PTPRD: variants seen among roughly 807,000 people sequenced by gnomAD.
The protein encoded by PTPRD is receptor-type tyrosine-protein phosphatase delta.
In PTPRD, 34 loss-of-function variants were observed where a neutral mutation model predicts 214.5. That is an observed-to-expected ratio of 0.16 (90% CI 0.12 to 0.21). The LOEUF is 0.21. PTPRD is among the 10% of genes least tolerant of loss of function. The pLI is 1.00. For missense variants in PTPRD, 2,545 were observed against 2,398.7 expected (o/e 1.06, Z -1.27); for synonymous variants, 1,128 against 845.7 (o/e 1.33, Z -5.79).
intron 3 of PTPRD, among the ~76,000 whole-genome samples, chr9:10,252,522 G>C (rs186861517): frequency 4.7e-3 from 717 of 152,016 alleles, no homozygotes; most frequent in Non-Finnish European, 8.0e-3. Flanking sequence ...GAAAGCCACC[G>C]AGCCCAACCC....
intron 9 of PTPRD, among the ~76,000 whole-genome samples, chr9:9,295,530 A>C (rs774748059): frequency 2.0e-5 from 3 of 151,812 alleles, no homozygotes; most frequent in Non-Finnish European, 2.9e-5. Flanking sequence ...TACTTGAAAC[A>C]TACTTTATTG....
chr9:10,561,485 C>T lies in PTPRD; in HGVS notation c.-600+50913G>A, dbSNP rs544989098. ...TATATGCACTTATCATCTTTACACCCCTATTACCTAGAATACTGCATAGCA... is the reference window on the plus strand; with the variant it reads ...TATATGCACTTATCATCTTTACACCTCTATTACCTAGAATACTGCATAGCA... On this transcript the variant is annotated intron_variant, in intron 2 of 45. Transcript: ENST00000381196. Among the ~76,000 whole-genome samples, 5 of 152,092 alleles carry T rather than the reference C, an allele frequency of 3.3e-5. No homozygotes were observed. The South Asian group carries it at 8.3e-4, about 25-fold the overall frequency.
intron 8 of PTPRD, among the ~76,000 whole-genome samples, chr9:9,562,728 T>C (rs2083301988): frequency 6.6e-6 from 1 of 152,180 alleles, no homozygotes; most frequent in South Asian, 2.1e-4. Flanking sequence ...TTTTGGATAA[T>C]TCAACTCTAA....
intron 11 of PTPRD, among the ~76,000 whole-genome samples, chr9:8,737,687 G>A (rs561595015): frequency 3.3e-5 from 5 of 152,276 alleles, no homozygotes; most frequent in African/African-American, 1.2e-4. Flanking sequence ...CTCACTCTCT[G>A]TCAAGCAGGC....
intron 2 of PTPRD, among the ~76,000 whole-genome samples, chr9:10,521,235 A>G: frequency 6.6e-6 from 1 of 152,148 alleles, no homozygotes; most frequent in Non-Finnish European, 1.5e-5. Flanking sequence ...GATGACTTTC[A>G]GGGTTCAAGA....
chr9:9,288,781 G>A (rs144395866), intron 9 of PTPRD, among the ~76,000 whole-genome samples: 51 of 152,036 alleles, frequency 3.4e-4, no homozygotes, highest in Non-Finnish European at 4.9e-4. Context: ...GTGGGACCCA[G>A]TGGGAGGTAA....
At chr9:8,359,195 T>C (rs62534002) in intron 39 of PTPRD, among the ~76,000 whole-genome samples, 30,123 of 148,664 alleles carry the variant, frequency 0.2, 3,808 homozygotes, top group Admixed American at 0.38. Flanking sequence ...ATCTGGTGGT[T>C]CTCAAAGTGC....
intron 5 of PTPRD, among the ~76,000 whole-genome samples, chr9:9,773,527 T>A (rs1161904723): frequency 6.6e-6 from 1 of 152,176 alleles, no homozygotes; most frequent in Non-Finnish European, 1.5e-5. Flanking sequence ...TTATAGAATA[T>A]CTCATGACAT....
At chr9:8,785,416 C>A (rs898695597) in intron 11 of PTPRD, among the ~76,000 whole-genome samples, 3 of 126,786 alleles carry the variant, frequency 2.4e-5, no homozygotes, top group Admixed American at 1.6e-4. Flanking sequence ...TCAGTAAATT[C>A]ACATAGTCAT....
chr9:10,441,215 A>G (rs1420326207), intron 2 of PTPRD, among the ~76,000 whole-genome samples: 1 of 151,676 alleles, frequency 6.6e-6, no homozygotes, highest in Admixed American at 6.6e-5. Context: ...TTACCTTACA[A>G]TCATTCAACT....
chr9:10,511,441 T>C (rs1342737188), intron 2 of PTPRD, among the ~76,000 whole-genome samples: 1 of 152,048 alleles, frequency 6.6e-6, no homozygotes, highest in East Asian at 1.9e-4. Flanking sequence ...TCTTGATCTG[T>C]CACCCAGGCT....
intron 3 of PTPRD, among the ~76,000 whole-genome samples, chr9:10,190,804 T>G (rs963724107): frequency 6.1e-5 from 9 of 148,192 alleles, no homozygotes; most frequent in Admixed American, 1.3e-4. Flanking sequence ...TTGTACAACG[T>G]GAGGTTTATG....
intron 9 of PTPRD, among the ~76,000 whole-genome samples, chr9:9,350,544 C>T (rs2050711383): frequency 6.6e-6 from 1 of 151,872 alleles, no homozygotes; most frequent in South Asian, 2.1e-4. Flanking sequence ...TTTCTTCTGC[C>T]AGATAAGGTG....
chr9:9,504,777 T>G (rs2096531654), intron 8 of PTPRD, among the ~76,000 whole-genome samples: 1 of 151,676 alleles, frequency 6.6e-6, no homozygotes, highest in Non-Finnish European at 1.5e-5. Context: ...AAAAACCTAT[T>G]AAAACTAATA....
intron 10 of PTPRD, among the ~76,000 whole-genome samples, chr9:9,162,627 T>C (rs1424969985): frequency 1.3e-5 from 2 of 152,072 alleles, no homozygotes; most frequent in Non-Finnish European, 2.9e-5. Context: ...TTTCTCCACT[T>C]CTGGAGGAAT....
chr9:10,553,511 A>T (rs2061805723), intron 2 of PTPRD, among the ~76,000 whole-genome samples: 1 of 152,182 alleles, frequency 6.6e-6, no homozygotes, highest in Non-Finnish European at 1.5e-5. Flanking sequence ...TTTCCAAAAT[A>T]TGCAAGTATG....
chr9:9,413,082 T>C (rs929640827), intron 8 of PTPRD, among the ~76,000 whole-genome samples: 3 of 143,794 alleles, frequency 2.1e-5, no homozygotes, highest in African/African-American at 7.7e-5. Flanking sequence ...AAACAAGTTA[T>C]AAAATATCTT....
chr9:9,530,356 G>C (rs2075177152), intron 8 of PTPRD, among the ~76,000 whole-genome samples: 2 of 152,044 alleles, frequency 1.3e-5, no homozygotes, highest in African/African-American at 4.8e-5. Context: ...ACTTTTATGA[G>C]CAACTATACA....
chr9:8,642,092 T>C (rs2096589355), intron 12 of PTPRD, among the ~76,000 whole-genome samples: 1 of 152,240 alleles, frequency 6.6e-6, no homozygotes, highest in Non-Finnish European at 1.5e-5. Flanking sequence ...CACAGATGAA[T>C]GCAATTTATG....
Sources: allele counts gnomAD v4.1 joint callset (sites outside exome capture counted in the v4.1 genomes callset), GRCh38; gene constraint gnomAD v4.1.1; transcripts MANE v1.5; gene names NCBI Gene and HGNC (gene_info 2026-07-23, HGNC 2026-07-21).